The following DCC variants were observed in gnomAD, a reference collection of about 807,000 sequenced individuals.
DCC encodes the protein DCC netrin 1 receptor, also known as netrin receptor DCC.
Under a neutral mutation model 172.5 loss-of-function variants are expected in DCC, and 58 were observed. That is an observed-to-expected ratio of 0.34 (90% CI 0.27 to 0.42). The LOEUF (loss-of-function observed/expected upper bound fraction) is 0.42, where lower values mean the gene tolerates loss of function less well. Among genes scored for constraint, DCC ranks in the 10% least tolerant of loss-of-function variants. The pLI is 1.00. For synonymous variants in DCC, 709 were observed against 644.5 expected, an observed-to-expected ratio of 1.10 and a Z score of -1.52; for missense variants, 1,740 against 1,791.0, an observed-to-expected ratio of 0.97 and a Z score of 0.51.
chr18:52,468,434 T>C (rs1988851168), intron 1 of DCC, among the ~76,000 whole-genome samples: 1 of 152,326 alleles, frequency 6.6e-6, no homozygotes, highest in South Asian at 2.1e-4. Flanking sequence ...TTTGGAAACA[T>C]TTAATTGCTA....
chr18:52,378,432 A>G (rs1319616590), intron 1 of DCC, among the ~76,000 whole-genome samples: 1 of 152,110 alleles, frequency 6.6e-6, no homozygotes, highest in Non-Finnish European at 1.5e-5. Context: ...TACATGCAGG[A>G]ACTACAAGGA....
At chr18:53,335,078 C>A (rs1000129262) in intron 14 of DCC, among the ~76,000 whole-genome samples, 29 of 152,124 alleles carry the variant, frequency 1.9e-4, no homozygotes, top group Non-Finnish European at 8.8e-5. Flanking sequence ...TTATCTTTTT[C>A]ATTCTCTCTC....
At chr18:52,700,959 T>C (rs940630260) in intron 1 of DCC, among the ~76,000 whole-genome samples, 3 of 152,210 alleles carry the variant, frequency 2.0e-5, no homozygotes, top group African/African-American at 7.2e-5. Context: ...ATTAAACCTG[T>C]ACAAAGCTCT....
At chr18:52,650,798 G>T (rs2035117320) in intron 1 of DCC, among the ~76,000 whole-genome samples, 2 of 152,182 alleles carry the variant, frequency 1.3e-5, no homozygotes, top group South Asian at 4.1e-4. Flanking sequence ...AAACACATGT[G>T]ACAGTGCCAG....
intron 2 of DCC, among the ~76,000 whole-genome samples, chr18:52,809,683 C>T (rs1480726786): frequency 6.6e-6 from 1 of 152,152 alleles, no homozygotes; most frequent in African/African-American, 2.4e-5. Flanking sequence ...TGAGTAGAAG[C>T]TCAACTTGTG....
rs796092930 is a variant in DCC at position 52,899,369 on chromosome 18, T to G, written c.413-6675T>G. ...TTTTTTTTTTTTTTTTTTTTTTTTT[T>G]TGAGACAGAGTTTCACTTTTGTTGC... On this transcript the variant is annotated intron_variant, in intron 2 of 28. Transcript: ENST00000442544. Among the ~76,000 whole-genome samples the G allele has an allele frequency of 3.1e-3, 159 of 50,596 alleles. No individual in the cohort carries two copies. In the Middle Eastern group the frequency reaches 0.074, roughly 24 times the overall value. 33.2% of individuals were successfully genotyped at this position (50,596 alleles called of 152,430 possible).
intron 1 of DCC, among the ~76,000 whole-genome samples, chr18:52,423,396 A>T (rs1312638446): frequency 6.6e-6 from 1 of 152,088 alleles, no homozygotes; most frequent in African/African-American, 2.4e-5. Flanking sequence ...ACTGGGTCTG[A>T]CCATTGGACC....
intron 5 of DCC, among the ~76,000 whole-genome samples, chr18:52,994,788 T>C (rs915160097): frequency 2.0e-5 from 3 of 152,176 alleles, no homozygotes; most frequent in Admixed American, 2.0e-4. Flanking sequence ...AGCCTGATTG[T>C]CCCATGATGT....
chr18:53,462,547 A>G (rs1482975844), intron 24 of DCC, among the ~76,000 whole-genome samples: 1 of 152,068 alleles, frequency 6.6e-6, no homozygotes, highest in Non-Finnish European at 1.5e-5. Context: ...GGTGAGTTGT[A>G]TAATTATTCC....
chr18:52,392,179 G>C (rs928215341), intron 1 of DCC, among the ~76,000 whole-genome samples: 4 of 152,160 alleles, frequency 2.6e-5, no homozygotes, highest in African/African-American at 9.6e-5. Context: ...GCTGGTAGCA[G>C]ATGAATAGAT....
In DCC at chr18:52,977,739, G is replaced by A. The variant is rs1248073424; in HGVS notation, c.985+52369G>A. Reference sequence around the variant, plus strand: ...TCACTACTAAAAATACAAAAAATTAGCCGGACGTGGTGGCAGGCACCTGTA... The same window carrying A: ...TCACTACTAAAAATACAAAAAATTAACCGGACGTGGTGGCAGGCACCTGTA... On this transcript the variant is annotated intron_variant, in intron 5 of 28. Coordinates refer to ENST00000442544, the MANE Select transcript of DCC (RefSeq NM_005215.4). Among the ~76,000 whole-genome samples the A allele has an allele frequency of 4.0e-5, 6 of 151,864 alleles. No individual in the cohort carries two copies. The East Asian group carries it at 9.8e-4, about 25-fold the overall frequency.
At chr18:52,503,079 A>T (rs2031094037) in intron 1 of DCC, among the ~76,000 whole-genome samples, 1 of 152,162 alleles carries the variant, frequency 6.6e-6, no homozygotes, top group Non-Finnish European at 1.5e-5. Flanking sequence ...ATCACAGAGG[A>T]TCTACTTTTA....
At chr18:53,272,626 CTTATATAT>C (rs1338618144) in intron 12 of DCC, among the ~76,000 whole-genome samples, 20 of 152,102 alleles carry the variant, frequency 1.3e-4, no homozygotes, top group Non-Finnish European at 2.8e-4. Context: ...CACATAGTCA[CTTATATAT>C]TCAGTAATTA....
chr18:52,938,375 C>G (rs1005491885), intron 5 of DCC, among the ~76,000 whole-genome samples: 3 of 152,090 alleles, frequency 2.0e-5, no homozygotes, highest in Non-Finnish European at 4.4e-5. Flanking sequence ...TGAGTGATGT[C>G]TGGTAGTGGC....
At chr18:52,386,075 C>G (rs1165427683) in intron 1 of DCC, among the ~76,000 whole-genome samples, 1 of 152,082 alleles carries the variant, frequency 6.6e-6, no homozygotes, top group Non-Finnish European at 1.5e-5. Flanking sequence ...TTCTAGACAT[C>G]TAGCATAAGG....
chr18:52,751,288 A>G (rs1290880673), intron 1 of DCC, among the ~76,000 whole-genome samples: 1 of 152,208 alleles, frequency 6.6e-6, no homozygotes, highest in African/African-American at 2.4e-5. Flanking sequence ...GCCAGCTTCA[A>G]AAACAATATA....
intron 1 of DCC, among the ~76,000 whole-genome samples, chr18:52,392,437 T>C (rs1433619697): frequency 6.6e-6 from 1 of 152,116 alleles, no homozygotes; most frequent in Non-Finnish European, 1.5e-5. Flanking sequence ...TGACTGAAAC[T>C]GTATAGTGAA....
chr18:52,929,621 G>A (rs893587513), intron 5 of DCC, among the ~76,000 whole-genome samples: 3 of 151,860 alleles, frequency 2.0e-5, no homozygotes, highest in Non-Finnish European at 4.4e-5. Flanking sequence ...CTCAATATCG[G>A]GTATTGCTTA....
At position 53,532,336 on chromosome 18, in the gene DCC, TG is replaced by T. The variant is rs1172300413; in HGVS notation, c.*1684del. 1 of 152,220 alleles carries T rather than the reference TG, an allele frequency of 6.6e-6. No individual in the cohort carries two copies. The highest frequency in any genetic ancestry group is 1.5e-5 in the Non-Finnish European group (1 of 68,032). The allele number at this position is 152,220 out of a possible 1,614,324, so 9.4% of individuals were successfully genotyped here. A position where few individuals can be genotyped will look rare whatever the true frequency, so the allele number is the denominator to read the frequency against. On this transcript the variant is annotated 3_prime_UTR_variant, in exon 29 of 29. Transcript: ENST00000442544. ...TTCAGTTTATTTTTTTACAGTTTTA[TG>T]TCGGGAAGGAAATCTGATGTCAAAG...
Sources: allele counts gnomAD v4.1 joint callset (sites outside exome capture counted in the v4.1 genomes callset), GRCh38; gene constraint gnomAD v4.1.1; transcripts MANE v1.5; gene names NCBI Gene and HGNC (gene_info 2026-07-23, HGNC 2026-07-21).